Variants in C14orf39 observed in about 807,000 individuals in gnomAD.
The protein encoded by C14orf39 is protein SIX6OS1.
C14orf39 carries 66 observed loss-of-function variants against 85.6 expected under a neutral mutation model. The observed-to-expected ratio is 0.77, with a 90% CI of 0.63 to 0.95. The LOEUF (loss-of-function observed/expected upper bound fraction) is 0.95. Among genes scored for constraint, C14orf39 ranks in the 40% least tolerant of loss-of-function variants. The probability of loss-of-function intolerance (pLI) is 0.00; values close to 1 mark genes in which losing one functional copy is unlikely to be tolerated. For synonymous variants in C14orf39, 242 were observed against 214.0 expected (o/e 1.13, Z -1.14); for missense variants, 735 against 663.9 (o/e 1.11, Z -1.18).
intron 8 of C14orf39, among the ~76,000 whole-genome samples, 198 bp downstream of exon 8, chr14:60,469,335 T>C (rs1254481598): frequency 6.8e-6 from 1 of 147,708 alleles, no homozygotes; most frequent in Non-Finnish European, 1.5e-5. Flanking sequence ...ATAAAATATA[T>C]TAATAAAATT....
rs549176292 is a variant in C14orf39, at chr14:60,495,360, T to C, written c.-9+3936A>G. 7.7e-4 allele frequency: 159 copies of C among 205,912 alleles called. 2 individuals are homozygous for C. The South Asian group carries it at 0.012, about 15-fold the overall frequency. 12.8% of individuals were successfully genotyped at this position (205,912 alleles called of 1,614,324 possible). On this transcript the variant is annotated intron_variant, in intron 2 of 5. Transcript: ENST00000556799. The stretch of plus-strand genomic sequence containing the variant: ...TATAGTTTGGTCCCACCCCAGGTTG[T>C]GTGAGTCTACCCTTACATTCTGAAG...
intron 2 of C14orf39, among the ~76,000 whole-genome samples, chr14:60,492,924 T>A (rs1198686770): frequency 6.6e-6 from 1 of 152,058 alleles, no homozygotes; most frequent in Admixed American, 6.5e-5. Flanking sequence ...ACTAACGAAA[T>A]TTTTTTTAAA....
At chr14:60,485,632 G>C (rs910713231) in intron 1 of C14orf39, among the ~76,000 whole-genome samples, 5 of 152,194 alleles carry the variant, frequency 3.3e-5, no homozygotes, top group Non-Finnish European at 7.3e-5. Context: ...GCCTGAGGCG[G>C]GGTTCCTGTC....
At chr14:60,440,546 A>G (rs1890460312) in intron 17 of C14orf39, among the ~76,000 whole-genome samples, 2 of 152,166 alleles carry the variant, frequency 1.3e-5, no homozygotes, top group South Asian at 4.1e-4. Context: ...GTATCATTTT[A>G]TAGCTTCCTG....
intron 1 of C14orf39, chr14:60,509,991 G>A (rs2140188271): frequency 1.9e-6 from 3 of 1,574,550 alleles, no homozygotes; most frequent in Non-Finnish European, 2.6e-6. Flanking sequence ...AGAGGCCTCC[G>A]CGCTTTGAGC....
chr14:60,469,935 T>TG (rs1891992487), intron 7 of C14orf39, among the ~76,000 whole-genome samples: 1 of 150,186 alleles, frequency 6.7e-6, no homozygotes, highest in Non-Finnish European at 1.5e-5. Flanking sequence ...GGTAGTTTTT[T>TG]TTTTTTTTTT....
intron 1 of C14orf39, among the ~76,000 whole-genome samples, chr14:60,504,009 T>C (rs535741785): frequency 6.6e-6 from 1 of 152,252 alleles, no homozygotes; most frequent in East Asian, 1.9e-4. Context: ...GGGACCACTG[T>C]TCTGTTCATC....
intron 1 of C14orf39, chr14:60,510,051 C>T: frequency 8.2e-7 from 1 of 1,225,196 alleles, no homozygotes; most frequent in Non-Finnish European, 1.2e-6. Flanking sequence ...TTACCCAGTC[C>T]CTGGCGACTC....
At chr14:60,469,328 A>G (rs1891953901) in intron 8 of C14orf39, among the ~76,000 whole-genome samples, 2 of 147,834 alleles carry the variant, frequency 1.4e-5, no homozygotes, top group Admixed American at 6.8e-5. Context: ...AATTAATATA[A>G]AATATATTAA....
chr14:60,464,097 G>A (rs2140098381), intron 11 of C14orf39, among the ~76,000 whole-genome samples: 1 of 152,236 alleles, frequency 6.6e-6, no homozygotes, highest in South Asian at 2.1e-4. Flanking sequence ...GGAGCTTCTA[G>A]GAAAAATCCT....
intron 1 of C14orf39, among the ~76,000 whole-genome samples, chr14:60,508,420 T>C (rs1229944649): frequency 6.6e-6 from 1 of 152,168 alleles, no homozygotes; most frequent in Non-Finnish European, 1.5e-5. Flanking sequence ...TGGAGGTCCC[T>C]ACAGCCCACC....
chr14:60,442,634 A>C lies in C14orf39; in HGVS notation c.1504-503T>G, dbSNP rs369121638. On this transcript the variant is annotated intron_variant, in intron 16 of 17. Transcript: ENST00000321731. ...TTTGTCCATGTCATTATTCTTCTAA[A>C]ATCTGACTCTTTCCATGGCTCTATA... Among the ~76,000 whole-genome samples, 4 of 152,250 alleles carry C rather than the reference A, an allele frequency of 2.6e-5. No homozygotes were observed. The East Asian group carries it at 7.7e-4, about 29-fold the overall frequency.
rs1179373198 is a variant in C14orf39, at chr14:60,436,105, C to T, written c.*740G>A. On this transcript the variant is annotated 3_prime_UTR_variant, in exon 18 of 18. Transcript: ENST00000321731. Reference sequence around the variant, plus strand: ...ATAATTAATTGACAAATACTGAACACAAAACATAAAGAAGAAATTTTTGTT... The same window carrying T: ...ATAATTAATTGACAAATACTGAACATAAAACATAAAGAAGAAATTTTTGTT... The T allele has an allele frequency of 1.3e-5, 2 of 151,712 alleles. No individual in the cohort carries two copies. Among genetic ancestry groups the T allele is most frequent in the East Asian group, 1.9e-4 (1 of 5,182 alleles). The allele number at this position is 151,712 out of a possible 1,614,324, so 9.4% of individuals were successfully genotyped here.
upstream of C14orf39, among the ~76,000 whole-genome samples, chr14:60,487,852 A>G (rs184358609): frequency 6.6e-6 from 1 of 151,902 alleles, no homozygotes; most frequent in African/African-American, 2.4e-5. Flanking sequence ...TTTGATTTGC[A>G]TTTCGCTATG....
At chr14:60,483,412 T>C (rs1428694290) in intron 4 of C14orf39, among the ~76,000 whole-genome samples, 1 of 152,172 alleles carries the variant, frequency 6.6e-6, no homozygotes, top group African/African-American at 2.4e-5. Flanking sequence ...AAAATGGAAA[T>C]TGTTTCAAAT....
Position 60,477,042 on chromosome 14 carries a change from G to A in C14orf39, c.323+1258C>T, listed in dbSNP as rs569799117. Among the ~76,000 whole-genome samples, 465 of 152,170 alleles carry A rather than the reference G, an allele frequency of 3.1e-3. 2 individuals are homozygous for A. The highest frequency in any genetic ancestry group is 0.01 in the South Asian group (50 of 4,824). On this transcript the variant is annotated intron_variant, in intron 5 of 17. Transcript: ENST00000321731. ...CCTATATTTTCCTTACTTCCCTGCA[G>A]CCTTGATTTTTAATCTAGTTTCTTT... is the stretch of plus-strand genomic sequence containing the variant.
intron 5 of C14orf39, among the ~76,000 whole-genome samples, chr14:60,474,892 G>A (rs952141130): frequency 6.6e-6 from 1 of 152,162 alleles, no homozygotes; most frequent in Non-Finnish European, 1.5e-5. Flanking sequence ...CCAGGCTTTG[G>A]TATCAGGATG....
In C14orf39 at chr14:60,483,671, T is replaced by C; in HGVS notation, c.233+20A>G. 6.4e-7 allele frequency: 1 copy of C among 1,567,540 alleles called. No individual in the cohort carries two copies. The highest frequency in any genetic ancestry group is 8.6e-7 in the Non-Finnish European group (1 of 1,159,040). On this transcript the variant is annotated intron_variant, in intron 4 of 17. Coordinates refer to ENST00000321731, the MANE Select transcript of C14orf39 (RefSeq NM_174978.3). The stretch of plus-strand genomic sequence containing the variant: ...CTAAATAAAAGAATGCAATGAAAAT[T>C]GATTCTTTCAAATACTCACTTTCTA...
chr14:60,440,946 CCT>C (rs1292349034), intron 17 of C14orf39, among the ~76,000 whole-genome samples: 1 of 152,178 alleles, frequency 6.6e-6, no homozygotes, highest in Non-Finnish European at 1.5e-5. Flanking sequence ...TTTCCTGACT[CCT>C]TGCAATACGG....
Sources: gnomAD v4.1 joint callset for allele counts (sites outside exome capture counted in the v4.1 genomes callset) on GRCh38, gnomAD v4.1.1 for gene constraint, MANE v1.5 for transcripts, NCBI Gene and HGNC (gene_info 2026-07-23, HGNC 2026-07-21) for gene names.